ESRRG: variants seen among roughly 807,000 people sequenced by gnomAD.
ESRRG encodes the protein estrogen related receptor gamma.
In ESRRG, 13 loss-of-function variants were observed where a neutral mutation model predicts 44.0. The observed-to-expected ratio is 0.30, with a 90% CI of 0.19 to 0.47. The LOEUF is 0.47. Among genes scored for constraint, ESRRG ranks in the 20% least tolerant of loss-of-function variants. ESRRG has a pLI of 1.00. For synonymous variants in ESRRG, 215 were observed against 214.6 expected (o/e 1.00, Z -0.02); for missense variants, 395 against 580.6 (o/e 0.68, Z 3.29).
At chr1:217,063,702 C>T (rs1012600400) in intron 1 of ESRRG, among the ~76,000 whole-genome samples, 2 of 152,120 alleles carry the variant, frequency 1.3e-5, no homozygotes, top group Admixed American at 6.5e-5. Context: ...ACCAGCTGAC[C>T]CAGACATTAT....
intron 2 of ESRRG, among the ~76,000 whole-genome samples, chr1:216,877,379 G>T (rs2096371893): frequency 1.4e-5 from 2 of 141,050 alleles, no homozygotes. Context: ...TAGGTATGGT[G>T]TTTTTTTTTG....
chr1:216,941,662 A>G (rs1181691430), intron 1 of ESRRG, among the ~76,000 whole-genome samples: 3 of 151,662 alleles, frequency 2.0e-5, no homozygotes, highest in African/African-American at 4.9e-5. Context: ...TACAAAATGC[A>G]GTATACATTT....
At chr1:216,611,932 C>T (rs2060731866) in intron 3 of ESRRG, among the ~76,000 whole-genome samples, 1 of 152,150 alleles carries the variant, frequency 6.6e-6, no homozygotes, top group Non-Finnish European at 1.5e-5. Flanking sequence ...GCATGAAAAG[C>T]ATGCTATGAG....
intron 1 of ESRRG, among the ~76,000 whole-genome samples, chr1:217,102,954 G>T (rs1230517354): frequency 6.6e-6 from 1 of 152,122 alleles, no homozygotes; most frequent in Non-Finnish European, 1.5e-5. Context: ...GAGAGAAGGG[G>T]AATAAAGAAG....
At chr1:216,611,063 C>T (rs1361500554) in intron 3 of ESRRG, among the ~76,000 whole-genome samples, 2 of 151,692 alleles carry the variant, frequency 1.3e-5, no homozygotes, top group East Asian at 2.0e-4. Context: ...ATTAGCTGGG[C>T]GTAGTGGCAG....
intron 1 of ESRRG, among the ~76,000 whole-genome samples, chr1:216,941,105 A>G (rs1475954751): frequency 1.3e-5 from 2 of 152,296 alleles, no homozygotes; most frequent in East Asian, 3.9e-4. Flanking sequence ...AGATGACTCA[A>G]ATGTGAGAAT....
At chr1:216,608,817 G>A (rs1449879328) in intron 3 of ESRRG, among the ~76,000 whole-genome samples, 1 of 152,142 alleles carries the variant, frequency 6.6e-6, no homozygotes, top group Non-Finnish European at 1.5e-5. Context: ...ATTGCATCTT[G>A]TTATAAAAAC....
At chr1:216,661,412 T>C (rs1315647330) in intron 2 of ESRRG, among the ~76,000 whole-genome samples, 1 of 152,202 alleles carries the variant, frequency 6.6e-6, no homozygotes, top group Non-Finnish European at 1.5e-5. Context: ...CTTATCTGTC[T>C]TTCAAAACAT....
At chr1:217,004,356 G>C (rs1456356093) in intron 1 of ESRRG, among the ~76,000 whole-genome samples, 3 of 152,116 alleles carry the variant, frequency 2.0e-5, no homozygotes, top group Non-Finnish European at 2.9e-5. Context: ...CCCCAAAACT[G>C]TTCTAGTGGT....
chr1:217,087,800 A>T (rs921237655), intron 1 of ESRRG, among the ~76,000 whole-genome samples: 3 of 152,236 alleles, frequency 2.0e-5, no homozygotes, highest in Admixed American at 1.3e-4. Flanking sequence ...CATGCGTAAC[A>T]GACAAATGTA....
chr1:216,845,694 C>G (rs1225701689), intron 2 of ESRRG, among the ~76,000 whole-genome samples: 1 of 152,154 alleles, frequency 6.6e-6, no homozygotes, highest in Non-Finnish European at 1.5e-5. Context: ...AACATTCCTA[C>G]TCTGGAACTT....
chr1:216,727,482 C>A (rs1468700326), upstream of ESRRG, among the ~76,000 whole-genome samples: 2 of 152,022 alleles, frequency 1.3e-5, no homozygotes, highest in African/African-American at 2.4e-5. Context: ...CCCTCATTTC[C>A]TCATCTGAAA....
intron 1 of ESRRG, among the ~76,000 whole-genome samples, chr1:216,710,763 C>G (rs753540841): frequency 3.3e-5 from 5 of 152,146 alleles, no homozygotes; most frequent in Non-Finnish European, 5.9e-5. Context: ...TAAGACTGCT[C>G]TCTTCCCACC....
intron 3 of ESRRG, among the ~76,000 whole-genome samples, chr1:216,596,488 C>G (rs2058464550): frequency 6.6e-6 from 1 of 152,198 alleles, no homozygotes; most frequent in Non-Finnish European, 1.5e-5. Context: ...TACTCCTCCG[C>G]TAGCTTCACT....
chr1:217,054,018 GT>G (rs1335108972), intron 1 of ESRRG, among the ~76,000 whole-genome samples: 1 of 146,294 alleles, frequency 6.8e-6, no homozygotes, highest in African/African-American at 2.5e-5. Context: ...GACATGTTTG[GT>G]TTTGAGCTCT....
intron 2 of ESRRG, among the ~76,000 whole-genome samples, chr1:216,752,596 G>A (rs2092124795): frequency 1.3e-5 from 2 of 152,006 alleles, no homozygotes; most frequent in African/African-American, 4.8e-5. Flanking sequence ...GAACTTCTGG[G>A]CATTTGAACT....
At chr1:216,880,060 C>A (rs1183000194) in intron 2 of ESRRG, among the ~76,000 whole-genome samples, 1 of 151,938 alleles carries the variant, frequency 6.6e-6, no homozygotes, top group Non-Finnish European at 1.5e-5. Flanking sequence ...GTCATCACAG[C>A]ACTTTGGGAG....
chr1:216,509,815 T>C (rs1468577268), intron 6 of ESRRG, among the ~76,000 whole-genome samples: 7 of 152,210 alleles, frequency 4.6e-5, no homozygotes. Context: ...AACTATTTAA[T>C]TAGACAATGA....
At chr1:216,886,552 G>A (rs758408269) in intron 2 of ESRRG, among the ~76,000 whole-genome samples, 2 of 152,166 alleles carry the variant, frequency 1.3e-5, no homozygotes, top group Non-Finnish European at 2.9e-5. Context: ...CCATGAATGT[G>A]CTGTAAATAT....
Sources: gnomAD v4.1 joint callset for allele counts (sites outside exome capture counted in the v4.1 genomes callset) on GRCh38, gnomAD v4.1.1 for gene constraint, MANE v1.5 for transcripts, NCBI Gene and HGNC (gene_info 2026-07-23, HGNC 2026-07-21) for gene names.